NAV1: variants seen among roughly 807,000 people sequenced by gnomAD.
The protein encoded by NAV1 is pore membrane and/or filament interacting like protein 3.
In NAV1, 18 loss-of-function variants were observed where a neutral mutation model predicts 175.2. The observed-to-expected ratio is 0.10, with a 90% CI of 0.07 to 0.15. The LOEUF (loss-of-function observed/expected upper bound fraction) is 0.15, where lower values mean the gene tolerates loss of function less well. NAV1 is among the 10% of genes least tolerant of loss of function. The pLI is 1.00. For synonymous variants in NAV1, 897 were observed against 978.7 expected, an observed-to-expected ratio of 0.92 and a Z score of 1.56; for missense variants, 1,731 against 2,436.6, an observed-to-expected ratio of 0.71 and a Z score of 6.10.
intron 17 of NAV1, among the ~76,000 whole-genome samples, chr1:201,806,912 G>A (rs1246008315): frequency 6.6e-6 from 1 of 152,184 alleles, no homozygotes; most frequent in African/African-American, 2.4e-5. Context: ...CTTAGAAAGC[G>A]TACCCTCAAA....
In NAV1 at chr1:201,750,017, T is replaced by C. The variant is rs1326414396; in HGVS notation, c.1227-30404T>C. 6.6e-6 allele frequency among the ~76,000 whole-genome samples: 1 copy of C among 152,244 alleles called. No homozygotes were observed. Among genetic ancestry groups the C allele is most frequent in the Non-Finnish European group, 1.5e-5 (1 of 68,050 alleles). ...AGGATTTTGCTTTCAGATTGCTTTA[T>C]GTTGTTAAAATTTTGCTCCACCTTA... is the stretch of plus-strand genomic sequence containing the variant. On this transcript the variant is annotated intron_variant, in intron 3 of 29. Coordinates refer to ENST00000367296, the Ensembl canonical transcript of NAV1. The surrounding 1 kb of genome is among the most constrained non-coding windows in gnomAD (Gnocchi z 4.1).
intron 1 of NAV1, among the ~76,000 whole-genome samples, chr1:201,550,355 A>G (rs1665821849): frequency 6.6e-6 from 1 of 152,014 alleles, no homozygotes; most frequent in South Asian, 2.1e-4. Context: ...TATATTTTGT[A>G]GAGATGGGGT....
intron 1 of NAV1, among the ~76,000 whole-genome samples, chr1:201,663,883 G>A (rs1669711142): frequency 6.6e-6 from 1 of 152,168 alleles, no homozygotes; most frequent in African/African-American, 2.4e-5. Flanking sequence ...GCCTGGACCT[G>A]GGCCTGGGGC....
intron 1 of NAV1, among the ~76,000 whole-genome samples, chr1:201,565,153 A>G (rs1666315734): frequency 6.6e-6 from 1 of 152,240 alleles, no homozygotes; most frequent in East Asian, 1.9e-4. Context: ...AATGGTTCCT[A>G]TCATACTGGA....
chr1:201,653,135 G>A (rs919797119), intron 1 of NAV1, among the ~76,000 whole-genome samples: 3 of 152,140 alleles, frequency 2.0e-5, no homozygotes, highest in African/African-American at 4.8e-5. Flanking sequence ...AGCAGAAGCC[G>A]AACAATCACA....
chr1:201,680,836 G>C (rs1280925337), intron 1 of NAV1, among the ~76,000 whole-genome samples: 1 of 152,140 alleles, frequency 6.6e-6, no homozygotes, highest in East Asian at 1.9e-4. Flanking sequence ...GGTGGGCAGG[G>C]CTCCACTGCA....
At chr1:201,809,318 C>T in intron 21 of NAV1, 57 bp downstream of exon 25, 2 of 1,600,538 alleles carry the variant, frequency 1.2e-6, no homozygotes, top group Non-Finnish European at 1.7e-6. Context: ...TACATTTATC[C>T]AAGAAAATCT....
intron 3 of NAV1, among the ~76,000 whole-genome samples, chr1:201,738,210 A>G (rs1673197801): frequency 6.6e-6 from 1 of 152,002 alleles, no homozygotes. Context: ...GGGAATAAAA[A>G]TCTGTCTGCC....
At chr1:201,709,004 C>T (rs1671784606) in intron 1 of NAV1, among the ~76,000 whole-genome samples, 6 of 151,992 alleles carry the variant, frequency 3.9e-5, no homozygotes, top group Admixed American at 3.9e-4. Flanking sequence ...CAAAAATTAG[C>T]CAGGCGTGAT....
chr1:201,699,605 A>G (rs1194666684), intron 1 of NAV1, among the ~76,000 whole-genome samples: 1 of 152,212 alleles, frequency 6.6e-6, no homozygotes, highest in Non-Finnish European at 1.5e-5. Flanking sequence ...AAGTTCATAT[A>G]GAACCAAAAA....
upstream of NAV1, among the ~76,000 whole-genome samples, chr1:201,619,580 T>C (rs963816580): frequency 6.6e-6 from 1 of 152,192 alleles, no homozygotes; most frequent in African/African-American, 2.4e-5. Flanking sequence ...TAGTACCTGC[T>C]TACACTTTCC....
At chr1:201,603,245 G>T (rs888426050) in intron 2 of NAV1, among the ~76,000 whole-genome samples, 4 of 152,146 alleles carry the variant, frequency 2.6e-5, no homozygotes, top group African/African-American at 9.7e-5. Context: ...TTCCTGGGAG[G>T]CATCCAGTAT....
rs779906809 is a variant in NAV1 at position 201,812,415 on chromosome 1, C to T, written c.5025-50C>T. ...CAGACTGGCAGGGGCTGAACCCTGA[C>T]AATGTCCCCATTGCCACTCTGACCC... On this transcript the variant is annotated intron_variant, in intron 26 of 29. Transcript: ENST00000367296. The surrounding 1 kb of genome is among the most constrained non-coding windows in gnomAD (Gnocchi z 4.6). 6.4e-7 allele frequency: 1 copy of T among 1,572,910 alleles called. No homozygotes were observed. Among genetic ancestry groups the T allele is most frequent in the South Asian group, 1.1e-5 (1 of 89,040 alleles).
chr1:201,548,497 G>A (rs1236275547), intron 1 of NAV1, among the ~76,000 whole-genome samples: 1 of 152,154 alleles, frequency 6.6e-6, no homozygotes, highest in Non-Finnish European at 1.5e-5. Flanking sequence ...GGAGTTTGAG[G>A]TTGCAGTGAG....
chr1:201,565,665 T>G (rs1666334182), intron 1 of NAV1, among the ~76,000 whole-genome samples: 1 of 152,244 alleles, frequency 6.6e-6, no homozygotes, highest in Non-Finnish European at 1.5e-5. Flanking sequence ...GTATCGCTAT[T>G]TGCAAAGCGT....
At chr1:201,799,719 TC>T (rs1420758430) in intron 15 of NAV1, among the ~76,000 whole-genome samples, 7 of 151,974 alleles carry the variant, frequency 4.6e-5, no homozygotes, top group African/African-American at 1.7e-4. Context: ...AATAAGCTGT[TC>T]ATGGTGGCAG....
At chr1:201,623,346 A>C in exon 1 of NAV1, 3 of 985,932 alleles carry the variant, frequency 3.0e-6, no homozygotes, top group Non-Finnish European at 3.6e-6. Flanking sequence ...GCTTTCACGG[A>C]GAAACTCAAA....
At chr1:201,673,033 A>G (rs926851834) in intron 1 of NAV1, 1 of 152,268 alleles carries the variant, frequency 6.6e-6, no homozygotes, top group African/African-American at 2.4e-5. Context: ...TTTACAAAAA[A>G]AAATACTGCC....
At chr1:201,561,059 A>C (rs1050378855) in intron 1 of NAV1, among the ~76,000 whole-genome samples, 9 of 152,002 alleles carry the variant, frequency 5.9e-5, no homozygotes, top group African/African-American at 1.9e-4. Context: ...TGGGGCTTTG[A>C]TTTCTGAACC....
Sources: allele counts gnomAD v4.1 joint callset (sites outside exome capture counted in the v4.1 genomes callset), GRCh38; gene constraint gnomAD v4.1.1; non-coding constraint Gnocchi (gnomAD v3.1); transcripts MANE v1.5; gene names NCBI Gene and HGNC (gene_info 2026-07-23, HGNC 2026-07-21).